Variants in WSCD1 observed in about 807,000 individuals in gnomAD.
WSCD1 encodes WSC domain sialate O sulfotransferase 1.
In WSCD1, 41 loss-of-function variants were observed where a neutral mutation model predicts 60.4. The observed-to-expected ratio is 0.68, with a 90% confidence interval of 0.53 to 0.88. WSCD1 has a LOEUF of 0.88. Ranked by LOEUF, WSCD1 falls within the 40% of genes least tolerant of loss-of-function variation. The pLI, the probability that WSCD1 is intolerant of heterozygous loss-of-function variation, is 0.00. For synonymous variants in WSCD1, 361 were observed against 332.5 expected (o/e 1.09, Z -0.93); for missense variants, 784 against 796.2 (o/e 0.98, Z 0.18).
At chr17:6,090,541 C>G in intron 4 of WSCD1, 36 bp downstream of exon 4, 2 of 1,604,178 alleles carry the variant, frequency 1.2e-6, no homozygotes, top group Non-Finnish European at 1.7e-6. Flanking sequence ...CTTTGTCCGT[C>G]TGTCCCACCC....
chr17:6,104,150 A>C (rs1798242797), intron 5 of WSCD1, among the ~76,000 whole-genome samples: 1 of 152,092 alleles, frequency 6.6e-6, no homozygotes, highest in African/African-American at 2.4e-5. Flanking sequence ...AGAGATGGGG[A>C]GGAGGTGCCA....
At chr17:6,116,917 G>A (rs1423378879) in intron 7 of WSCD1, among the ~76,000 whole-genome samples, 1 of 152,170 alleles carries the variant, frequency 6.6e-6, no homozygotes, top group Non-Finnish European at 1.5e-5. Flanking sequence ...CATTGGGTGT[G>A]GCCAGGAGAC....
chr17:6,088,224 C>T (rs1027607651), intron 3 of WSCD1, 120 bp downstream of exon 3: 15 of 808,242 alleles, frequency 1.9e-5, no homozygotes, highest in East Asian at 8.2e-5. Context: ...ACTCACTGCT[C>T]AGATCCCAGT....
Position 6,080,362 on chromosome 17 carries a change from A to G in WSCD1, c.-288-9A>G, listed in dbSNP as rs117788175. 4 of 437,224 alleles carry G rather than the reference A, an allele frequency of 9.1e-6. No homozygotes were observed. Among genetic ancestry groups the G allele is most frequent in the African/African-American group, 4.1e-5 (2 of 48,366 alleles). 27.1% of individuals were successfully genotyped at this position (437,224 alleles called of 1,614,324 possible). A position where few individuals can be genotyped will look rare whatever the true frequency, so the allele number is the denominator to read the frequency against. ...TATTACATCTCGGTGCTCTTTCTCC[A>G]CCTTCCAGATTTCTGCGCCAGGAGA... On this transcript the variant is annotated splice_polypyrimidine_tract_variant and intron_variant, in intron 1 of 8. Transcript: ENST00000317744. The surrounding 1 kb of genome is among the most constrained non-coding windows in gnomAD (Gnocchi z 6.6).
At chr17:6,113,957 G>A (rs1199406126) in intron 7 of WSCD1, among the ~76,000 whole-genome samples, 1 of 152,004 alleles carries the variant, frequency 6.6e-6, no homozygotes, top group Admixed American at 6.6e-5. Flanking sequence ...AAGTAGAATT[G>A]TCATATATAT....
chr17:6,102,366 G>T (rs374842719), intron 5 of WSCD1, among the ~76,000 whole-genome samples: 1 of 152,208 alleles, frequency 6.6e-6, no homozygotes, highest in South Asian at 2.1e-4. Flanking sequence ...GGTTGGGTCT[G>T]TAAGAGTCTG....
chr17:6,086,276 C>G lies in WSCD1; in HGVS notation c.428-1714C>G, dbSNP rs978164794. The stretch of plus-strand genomic sequence containing the variant: ...ATATATATATATATATATATATATA[C>G]TTATGTACTTCATGCATTACTGCTA... On this transcript the variant is annotated intron_variant, in intron 2 of 8. Coordinates refer to ENST00000317744, the MANE Select transcript of WSCD1 (RefSeq NM_015253.2). Among the ~76,000 whole-genome samples, 471 of 76,816 alleles carry G rather than the reference C, an allele frequency of 6.1e-3. 8 individuals carry two copies. Among genetic ancestry groups the G allele is most frequent in the African/African-American group, 0.024 (422 of 17,266 alleles). The allele number at this position is 76,816 out of a possible 152,430, so 50.4% of individuals were successfully genotyped here.
chr17:6,108,830 G>C (rs1359881716), intron 5 of WSCD1, among the ~76,000 whole-genome samples: 6 of 152,202 alleles, frequency 3.9e-5, no homozygotes, highest in East Asian at 1.9e-4. Context: ...AGAGACTGCT[G>C]GGAGCTGGGC....
Position 6,109,479 on chromosome 17 carries a change from T to A in WSCD1, c.850-128T>A, listed in dbSNP as rs557768066. The A allele has an allele frequency of 3.3e-5, 44 of 1,322,164 alleles. No homozygotes were observed. The African/African-American group carries it at 4.5e-4, about 13-fold the overall frequency. 81.9% of individuals were successfully genotyped at this position (1,322,164 alleles called of 1,614,324 possible). On this transcript the variant is annotated intron_variant, in intron 5 of 8. Transcript: ENST00000317744. ...GAGCACAGTGGTGGAAGGATGGTGG[T>A]CATCCCTGTGGATTCCATACAGATA...
In WSCD1 at chr17:6,075,920, G is replaced by A. The variant is rs899759353; in HGVS notation, c.-288-4451G>A. On this transcript the variant is annotated intron_variant, in intron 1 of 8. Transcript: ENST00000317744. The surrounding 1 kb of genome is among the most constrained non-coding windows in gnomAD (Gnocchi z 4.1). ...CCTCCCAGTCCCAGTGGGCTGGGGC[G>A]GGAACACTCACGGACAAGGCACTGT... Among the ~76,000 whole-genome samples, 2 of 148,508 alleles carry A rather than the reference G, an allele frequency of 1.3e-5. No homozygotes were observed. Among genetic ancestry groups the A allele is most frequent in the South Asian group, 2.1e-4 (1 of 4,786 alleles).
Position 6,095,212 on chromosome 17 carries a change from TG to T in WSCD1, c.839del (p.Cys280PhefsTer148). On this transcript the variant is annotated frameshift_variant, in exon 5 of 9. Transcript: ENST00000317744. LOFTEE classifies it high-confidence loss of function. The part of the protein sequence containing the change: ...NVTVGTCSGF[C>X]SQKEFPLAIL... ...GACCGTGGGGACTTGCTCGGGCTTT[TG>T]TTCCCAGAAAGTAAGACCAAGTGAT... 2.5e-6 allele frequency: 4 copies of T among 1,613,288 alleles called. No individual in the cohort carries two copies. Among genetic ancestry groups the T allele is most frequent in the Non-Finnish European group, 3.4e-6 (4 of 1,179,654 alleles).
chr17:6,080,579 C>T lies in WSCD1; in HGVS notation c.-80C>T. ...GAGCCAGGATGCAAGGATGACGCCT[C>T]CGGAGGCCCTGGCCTCACTCCCACC... On this transcript the variant is annotated 5_prime_UTR_variant, in exon 2 of 9. Coordinates refer to ENST00000317744, the MANE Select transcript of WSCD1 (RefSeq NM_015253.2). The surrounding 1 kb of genome is among the most constrained non-coding windows in gnomAD (Gnocchi z 6.6). 6.7e-7 allele frequency: 1 copy of T among 1,493,706 alleles called. No individual in the cohort carries two copies. Among genetic ancestry groups the T allele is most frequent in the East Asian group, 2.3e-5 (1 of 44,186 alleles). 92.5% of individuals were successfully genotyped at this position (1,493,706 alleles called of 1,614,324 possible). A position where few individuals can be genotyped will look rare whatever the true frequency, so the allele number is the denominator to read the frequency against.
intron 5 of WSCD1, among the ~76,000 whole-genome samples, chr17:6,098,223 T>C (rs1333849202): frequency 6.6e-6 from 1 of 152,098 alleles, no homozygotes; most frequent in Non-Finnish European, 1.5e-5. Flanking sequence ...CTGCCCTCCT[T>C]GGCCTCCCAA....
chr17:6,098,309 T>G (rs1910581835), intron 5 of WSCD1, among the ~76,000 whole-genome samples: 1 of 152,188 alleles, frequency 6.6e-6, no homozygotes, highest in Non-Finnish European at 1.5e-5. Flanking sequence ...CAGACAAGAA[T>G]TTAAAGGCTT....
At chr17:6,085,836 C>G (rs1055092371) in intron 2 of WSCD1, among the ~76,000 whole-genome samples, 6 of 152,186 alleles carry the variant, frequency 3.9e-5, no homozygotes, top group Non-Finnish European at 8.8e-5. Flanking sequence ...GAGAAGGATC[C>G]ATTCTCACTG....
chr17:6,120,196 G>A, intron 8 of WSCD1, 113 bp from the exon 9 acceptor site: 1 of 1,144,598 alleles, frequency 8.7e-7, no homozygotes, highest in Admixed American at 2.1e-5. Context: ...TTGACTCTAG[G>A]CAGTGGACAG....
chr17:6,070,794 T>G (rs950445655), intron 1 of WSCD1, 142 bp downstream of exon 1: 6 of 151,352 alleles, frequency 4.0e-5, no homozygotes, highest in African/African-American at 1.2e-4. Flanking sequence ...CAGGGCGGGC[T>G]TGCCGGGGGC....
intron 5 of WSCD1, among the ~76,000 whole-genome samples, chr17:6,097,328 A>G (rs8072096): frequency 0.38 from 58,182 of 152,282 alleles, 12,434 homozygotes; most frequent in East Asian, 0.73. Flanking sequence ...GAAGACGCCA[A>G]AGGGCATAGC....
chr17:6,120,000 A>G (rs1904557603), intron 8 of WSCD1, among the ~76,000 whole-genome samples: 1 of 152,218 alleles, frequency 6.6e-6, no homozygotes, highest in South Asian at 2.1e-4. Flanking sequence ...TCAAACTGGC[A>G]ATCAAACCAC....
Sources: allele counts gnomAD v4.1 joint callset (sites outside exome capture counted in the v4.1 genomes callset), GRCh38; gene constraint gnomAD v4.1.1; non-coding constraint Gnocchi (gnomAD v3.1); transcripts MANE v1.5; gene names NCBI Gene and HGNC (gene_info 2026-07-23, HGNC 2026-07-21).